The following GRID2 variants were observed in gnomAD, a reference collection of about 807,000 sequenced individuals.
GRID2 encodes glutamate ionotropic receptor delta type subunit 2, also known as glutamate receptor ionotropic, delta-2.
A neutral mutation model predicts 114.8 loss-of-function variants in GRID2; 33 were observed. The ratio of observed to expected loss-of-function variants is 0.29; its 90% confidence interval spans 0.22 to 0.38. The LOEUF (loss-of-function observed/expected upper bound fraction) is 0.38, where lower values mean the gene tolerates loss of function less well. Among genes scored for constraint, GRID2 ranks in the 10% least tolerant of loss-of-function variants. The probability of loss-of-function intolerance (pLI) is 1.00; values close to 1 mark genes in which losing one functional copy is unlikely to be tolerated. For missense variants in GRID2, 1,184 were observed against 1,257.7 expected (o/e 0.94, Z 0.89); for synonymous variants, 505 against 449.9 (o/e 1.12, Z -1.55).
At chr4:93,769,702 T>C (rs1282470517) in intron 15 of GRID2, among the ~76,000 whole-genome samples, 1 of 152,228 alleles carries the variant, frequency 6.6e-6, no homozygotes, top group Non-Finnish European at 1.5e-5. Flanking sequence ...ATAATGGGCT[T>C]TGAAATTCTC....
At chr4:92,413,734 T>C (rs1024360013) in intron 1 of GRID2, among the ~76,000 whole-genome samples, 2 of 152,154 alleles carry the variant, frequency 1.3e-5, no homozygotes, top group Admixed American at 6.5e-5. Context: ...AATGACTGTT[T>C]ATTGTGTTAA....
chr4:92,909,485 C>T lies in GRID2; in HGVS notation c.245-175510C>T, dbSNP rs894184501. Among the ~76,000 whole-genome samples, 5 of 152,024 alleles carry T rather than the reference C, an allele frequency of 3.3e-5. No homozygotes were observed. In the South Asian group the frequency reaches 1.0e-3, roughly 32 times the overall value. On this transcript the variant is annotated intron_variant, in intron 2 of 15. Coordinates refer to ENST00000282020, the MANE Select transcript of GRID2 (RefSeq NM_001510.4). ...AAATATTTTTTACATAGTAGCAAAA[C>T]CTCTGATTATGGCTTTAATTTTAAA...
chr4:92,355,181 T>A (rs1321470775), intron 1 of GRID2, among the ~76,000 whole-genome samples: 4 of 151,950 alleles, frequency 2.6e-5, no homozygotes, highest in African/African-American at 9.7e-5. Context: ...CTCCTTTAAG[T>A]TGGAGATGTT....
At chr4:93,721,870 G>T (rs1729401660) in intron 14 of GRID2, among the ~76,000 whole-genome samples, 1 of 150,516 alleles carries the variant, frequency 6.6e-6, no homozygotes, top group Admixed American at 6.6e-5. Context: ...TAATTCTATA[G>T]TTGAAGAAAC....
chr4:93,475,986 G>A (rs1014463130), intron 11 of GRID2, among the ~76,000 whole-genome samples: 1 of 151,844 alleles, frequency 6.6e-6, no homozygotes, highest in Admixed American at 6.6e-5. Context: ...TTACTGTTTC[G>A]GTGCCTTTCC....
In GRID2 at chr4:93,762,422, T is replaced by C. The variant is rs1476352553; in HGVS notation, c.2361-6788T>C. 4.6e-5 allele frequency among the ~76,000 whole-genome samples: 7 copies of C among 152,126 alleles called. 1 individual carries two copies. The highest frequency in any genetic ancestry group is 3.9e-4 in the Admixed American group (6 of 15,244). On this transcript the variant is annotated intron_variant, in intron 14 of 15. Transcript: ENST00000282020. The stretch of plus-strand genomic sequence containing the variant: ...CCCAAATTGCCTCAATACTTCCAAA[T>C]TGAAGAAGTACCAAAAGGTCTTGTA...
intron 2 of GRID2, among the ~76,000 whole-genome samples, chr4:92,903,309 T>C (rs182774249): frequency 6.0e-4 from 91 of 152,040 alleles, no homozygotes; most frequent in Middle Eastern, 3.4e-3. Flanking sequence ...CTCAGGCAGA[T>C]ACTATGTGGG....
intron 2 of GRID2, among the ~76,000 whole-genome samples, chr4:92,952,848 A>C (rs1434906588): frequency 6.6e-6 from 1 of 152,226 alleles, no homozygotes; most frequent in Non-Finnish European, 1.5e-5. Context: ...AGTGGCTTAA[A>C]ACAACAAAAA....
intron 2 of GRID2, among the ~76,000 whole-genome samples, chr4:92,804,504 T>G (rs1237599937): frequency 6.6e-6 from 1 of 151,990 alleles, no homozygotes; most frequent in Non-Finnish European, 1.5e-5. Flanking sequence ...AATGGTTAAA[T>G]TATTAGGTGA....
chr4:93,268,208 C>T (rs1206171629), intron 8 of GRID2, among the ~76,000 whole-genome samples: 1 of 152,122 alleles, frequency 6.6e-6, no homozygotes, highest in Non-Finnish European at 1.5e-5. Flanking sequence ...TTTGCTGTTT[C>T]CAATTGGGTG....
At chr4:93,328,802 A>G (rs949429624) in intron 8 of GRID2, among the ~76,000 whole-genome samples, 1 of 152,176 alleles carries the variant, frequency 6.6e-6, no homozygotes, top group South Asian at 2.1e-4. Context: ...ATGTGGGAAT[A>G]ATGTATATCA....
intron 10 of GRID2, among the ~76,000 whole-genome samples, chr4:93,445,005 A>G (rs533818252): frequency 6.6e-6 from 1 of 152,166 alleles, no homozygotes; most frequent in South Asian, 2.1e-4. Flanking sequence ...TTCCCACAAT[A>G]TGAATTTCCC....
At chr4:92,397,750 A>C (rs1201399663) in intron 1 of GRID2, among the ~76,000 whole-genome samples, 1 of 152,168 alleles carries the variant, frequency 6.6e-6, no homozygotes, top group Non-Finnish European at 1.5e-5. Flanking sequence ...CCCAAAATAC[A>C]GTAATGTCTG....
intron 1 of GRID2, among the ~76,000 whole-genome samples, chr4:92,390,393 A>C (rs1206304360): frequency 6.6e-6 from 1 of 152,280 alleles, no homozygotes; most frequent in Admixed American, 6.5e-5. Context: ...CATTGTTAGT[A>C]ATAAAATATA....
chr4:92,742,741 C>G (rs1478735403), intron 2 of GRID2, among the ~76,000 whole-genome samples: 1 of 152,148 alleles, frequency 6.6e-6, no homozygotes. Flanking sequence ...ACCTGAGGAA[C>G]TTTCATCCTC....
At chr4:92,695,124 A>G (rs1273390808) in intron 2 of GRID2, among the ~76,000 whole-genome samples, 1 of 151,746 alleles carries the variant, frequency 6.6e-6, no homozygotes, top group Non-Finnish European at 1.5e-5. Context: ...ACACTACCAC[A>G]CCTAGCTAAT....
At chr4:93,364,091 G>C (rs111535448) in intron 8 of GRID2, among the ~76,000 whole-genome samples, 1,873 of 151,940 alleles carry the variant, frequency 0.012, 43 homozygotes, top group African/African-American at 0.043. Context: ...ATAACAATTT[G>C]GCATTCTTAG....
intron 2 of GRID2, among the ~76,000 whole-genome samples, chr4:92,630,788 A>G (rs1434231757): frequency 1.3e-5 from 2 of 152,094 alleles, no homozygotes; most frequent in African/African-American, 4.8e-5. Flanking sequence ...TACATTACGG[A>G]GGCTGGAAAG....
chr4:93,359,920 C>T (rs1579812429), intron 8 of GRID2, among the ~76,000 whole-genome samples: 1 of 86,186 alleles, frequency 1.2e-5, no homozygotes, highest in African/African-American at 4.1e-5. Flanking sequence ...ATAATACAAT[C>T]AAGCCACCAT....
Sources: allele counts gnomAD v4.1 joint callset (sites outside exome capture counted in the v4.1 genomes callset), GRCh38; gene constraint gnomAD v4.1.1; transcripts MANE v1.5; gene names NCBI Gene and HGNC (gene_info 2026-07-23, HGNC 2026-07-21).